ANXA13: variants seen among roughly 807,000 people sequenced by gnomAD.
ANXA13 encodes annexin XIII.
ANXA13 carries 36 observed loss-of-function variants against 46.6 expected under a neutral mutation model. The ratio of observed to expected loss-of-function variants is 0.77; its 90% CI spans 0.59 to 1.02. The LOEUF (loss-of-function observed/expected upper bound fraction) is 1.02. ANXA13 is among the 50% of genes least tolerant of loss of function. ANXA13 has a pLI of 0.00. For missense variants in ANXA13, 417 were observed against 396.5 expected (o/e 1.05, Z -0.44); for synonymous variants, 163 against 152.9 (o/e 1.07, Z -0.49).
intron 3 of ANXA13, among the ~76,000 whole-genome samples, chr8:123,700,012 C>A (rs1441040776): frequency 2.0e-5 from 3 of 152,178 alleles, no homozygotes; most frequent in African/African-American, 7.2e-5. Context: ...TAAGAGGAGG[C>A]ACATCAACTA....
At chr8:123,721,714 G>A (rs1813875426) in intron 1 of ANXA13, among the ~76,000 whole-genome samples, 2 of 152,220 alleles carry the variant, frequency 1.3e-5, no homozygotes, top group South Asian at 4.1e-4. Context: ...TTCTAAGAGA[G>A]ATGTATAGGA....
In ANXA13 at chr8:123,680,905, G is replaced by A. The variant is rs1813022530; in HGVS notation, c.*335C>T. 1 of 211,902 alleles carries A rather than the reference G, an allele frequency of 4.7e-6. No homozygotes were observed. Among genetic ancestry groups the A allele is most frequent in the Admixed American group, 5.3e-5 (1 of 18,736 alleles). The allele number at this position is 211,902 out of a possible 1,614,324, so 13.1% of individuals were successfully genotyped here. The stretch of plus-strand genomic sequence containing the variant: ...CTTTCCTGTACCTTACTTGTGTGAT[G>A]CATATCCTTCTAAATGTGCCATTAC... On this transcript the variant is annotated 3_prime_UTR_variant, in exon 11 of 11. Transcript: ENST00000419625.
chr8:123,725,727 G>A (rs371813025), intron 1 of ANXA13, among the ~76,000 whole-genome samples: 8 of 152,170 alleles, frequency 5.3e-5, no homozygotes, highest in African/African-American at 1.9e-4. Context: ...GTTTGAATAC[G>A]AATATTTGGT....
At chr8:123,698,272 C>T in intron 4 of ANXA13, 117 bp downstream of exon 4, 1 of 1,145,744 alleles carries the variant, frequency 8.7e-7, no homozygotes, top group Non-Finnish European at 1.2e-6. Context: ...ACATATGTCT[C>T]CCCAGACACC....
chr8:123,734,946 C>T (rs988854600), intron 1 of ANXA13, among the ~76,000 whole-genome samples: 11 of 151,448 alleles, frequency 7.3e-5, no homozygotes, highest in Admixed American at 2.0e-4. Context: ...GTGTGTAAGC[C>T]GAGAGAAGGT....
At chr8:123,717,094 A>G (rs10956145) in intron 1 of ANXA13, among the ~76,000 whole-genome samples, 45,599 of 152,084 alleles carry the variant, frequency 0.3, 7,097 homozygotes, top group Middle Eastern at 0.34. Context: ...AAAACAGCAC[A>G]AGATATTAAA....
chr8:123,694,478 G>A (rs77099220), intron 6 of ANXA13, among the ~76,000 whole-genome samples: 3,717 of 152,294 alleles, frequency 0.024, 58 homozygotes, highest in Non-Finnish European at 0.034. Context: ...CAGCCATGTG[G>A]TGCACTGCCT....
chr8:123,681,806 G>A (rs980706934), intron 10 of ANXA13, among the ~76,000 whole-genome samples: 1 of 151,850 alleles, frequency 6.6e-6, no homozygotes, highest in Non-Finnish European at 1.5e-5. Flanking sequence ...TGTATTTTTA[G>A]TAGAGACGGG....
chr8:123,691,521 C>T (rs922901972), intron 8 of ANXA13, among the ~76,000 whole-genome samples: 1 of 152,202 alleles, frequency 6.6e-6, no homozygotes. Flanking sequence ...CTACTGCATG[C>T]CAGGGACTAA....
At chr8:123,731,270 G>A (rs965599822) in intron 1 of ANXA13, among the ~76,000 whole-genome samples, 9 of 152,120 alleles carry the variant, frequency 5.9e-5, no homozygotes, top group African/African-American at 2.2e-4. Flanking sequence ...CGTTAGACTC[G>A]TGGCTCTCAA....
chr8:123,710,268 A>G (rs1475757650), intron 2 of ANXA13, among the ~76,000 whole-genome samples: 3 of 152,206 alleles, frequency 2.0e-5, no homozygotes, highest in Non-Finnish European at 4.4e-5. Context: ...AAGAAGCCAC[A>G]TATCATATGA....
intron 3 of ANXA13, 114 bp from the exon 4 acceptor site, chr8:123,698,673 A>G: frequency 8.6e-7 from 1 of 1,156,602 alleles, no homozygotes; most frequent in South Asian, 1.4e-5. Context: ...GTGGACATGA[A>G]TTCTGCCAAC....
intron 2 of ANXA13, chr8:123,711,619 C>A (rs915972192): frequency 1.5e-4 from 21 of 142,920 alleles, no homozygotes; most frequent in African/African-American, 5.5e-4. Flanking sequence ...GTTCTTTTTT[C>A]TTTTTTTTTT....
At chr8:123,692,566 C>T (rs1813261956) in intron 8 of ANXA13, among the ~76,000 whole-genome samples, 1 of 152,162 alleles carries the variant, frequency 6.6e-6, no homozygotes, top group African/African-American at 2.4e-5. Flanking sequence ...TTATGTGCAT[C>T]TTTTCAGGAG....
chr8:123,736,867 G>GTTTTA (rs1563623536), intron 1 of ANXA13, among the ~76,000 whole-genome samples: 3 of 51,846 alleles, frequency 5.8e-5, no homozygotes, highest in African/African-American at 1.4e-4. Context: ...TTTTTTTTTG[G>GTTTTA]GACGGAGTTT....
At chr8:123,731,868 C>T (rs1391456705) in intron 1 of ANXA13, among the ~76,000 whole-genome samples, 1 of 152,098 alleles carries the variant, frequency 6.6e-6, no homozygotes, top group African/African-American at 2.4e-5. Context: ...GAGCGAGATC[C>T]TGTCTCAAAA....
intron 1 of ANXA13, 146 bp from the exon 2 acceptor site, chr8:123,712,899 A>G: frequency 5.5e-6 from 4 of 731,972 alleles, no homozygotes; most frequent in South Asian, 4.9e-5. Context: ...TGCGGAAATC[A>G]GCTGGGGAGA....
chr8:123,689,207 C>T (rs1219721479), intron 8 of ANXA13, among the ~76,000 whole-genome samples: 1 of 150,632 alleles, frequency 6.6e-6, no homozygotes, highest in Non-Finnish European at 1.5e-5. Context: ...TCAATTTCCT[C>T]ATCTGTAAAA....
chr8:123,684,088 T>G (rs58739042), intron 10 of ANXA13, among the ~76,000 whole-genome samples: 55,728 of 152,108 alleles, frequency 0.37, 13,281 homozygotes, highest in African/African-American at 0.68. Context: ...ACATTTCTTG[T>G]GGGGAAGGGA....
Sources: allele counts gnomAD v4.1 joint callset (sites outside exome capture counted in the v4.1 genomes callset), GRCh38; gene constraint gnomAD v4.1.1; transcripts MANE v1.5; gene names NCBI Gene and HGNC (gene_info 2026-07-23, HGNC 2026-07-21).